Variants in KDM4B observed in about 807,000 individuals in gnomAD.
KDM4B encodes lysine demethylase 4B.
KDM4B carries 32 observed loss-of-function variants against 125.2 expected under a neutral mutation model. The ratio of observed to expected loss-of-function variants is 0.26; its 90% CI spans 0.19 to 0.34. KDM4B has a LOEUF of 0.34. Among genes scored for constraint, KDM4B ranks in the 10% least tolerant of loss-of-function variants. The pLI is 1.00. For synonymous variants in KDM4B, 721 were observed against 677.9 expected, an observed-to-expected ratio of 1.06 and a Z score of -0.99; for missense variants, 1,190 against 1,577.7, an observed-to-expected ratio of 0.75 and a Z score of 4.16.
At chr19:5,011,249 G>A (rs953358666) in intron 1 of KDM4B, among the ~76,000 whole-genome samples, 1 of 152,208 alleles carries the variant, frequency 6.6e-6, no homozygotes, top group Non-Finnish European at 1.5e-5. Flanking sequence ...ACAAACTGTG[G>A]CCTGGGTGCT....
chr19:4,969,710 G>A (rs1036323487), intron 1 of KDM4B, among the ~76,000 whole-genome samples: 1 of 151,882 alleles, frequency 6.6e-6, no homozygotes, highest in African/African-American at 2.4e-5. Context: ...GGCCCTTTGG[G>A]CGCCAGGGGG....
chr19:5,124,648 G>T (rs970255209), intron 11 of KDM4B, among the ~76,000 whole-genome samples: 2 of 152,190 alleles, frequency 1.3e-5, no homozygotes, highest in African/African-American at 4.8e-5. Context: ...CCAGGCTGGA[G>T]TGCAGTGACG....
Position 5,131,932 on chromosome 19 carries a change from C to A in KDM4B, c.1831C>A (p.Arg611=), listed in dbSNP as rs373783329. Residue 611 remains arginine (R), a synonymous_variant, in exon 13 of 23, where the codon CGG becomes AGG. Transcript: ENST00000159111. The part of the protein sequence containing the change: ...SKLKMEIKKS[R]RHPLGRPPTR... Reference sequence around the variant, plus strand: ...ATTGAAGATGGAGATCAAGAAGAGCCGGCGCCATCCCCTGGGCCGGCCGCC... The same window carrying A: ...ATTGAAGATGGAGATCAAGAAGAGCAGGCGCCATCCCCTGGGCCGGCCGCC... 6.2e-7 allele frequency: 1 copy of A among 1,612,612 alleles called. No individual in the cohort carries two copies.
intron 9 of KDM4B, among the ~76,000 whole-genome samples, chr19:5,107,863 T>C (rs2039065249): frequency 6.6e-6 from 1 of 152,232 alleles, no homozygotes; most frequent in South Asian, 2.1e-4. Context: ...TCCCTCCCTG[T>C]GACCCACCGG....
intron 22 of KDM4B, 48 bp from the exon 23 acceptor site, chr19:5,151,287 A>G (rs2039942440): frequency 7.1e-7 from 1 of 1,404,716 alleles, no homozygotes; most frequent in Non-Finnish European, 9.4e-7. Context: ...CTGGGGCCGC[A>G]CAGAGTGTCT....
intron 9 of KDM4B, among the ~76,000 whole-genome samples, chr19:5,103,799 GC>G (rs1255633322): frequency 6.6e-6 from 1 of 152,220 alleles, no homozygotes; most frequent in Non-Finnish European, 1.5e-5. Context: ...AGCCCAGGGG[GC>G]CTGGCTTTTG....
chr19:5,141,424 A>G lies in KDM4B; in HGVS notation c.2551-2543A>G, dbSNP rs138732574. On this transcript the variant is annotated intron_variant, in intron 18 of 22. Transcript: ENST00000159111. The surrounding 1 kb of genome is among the most constrained non-coding windows in gnomAD (Gnocchi z 6.4). ...GATAAGTCCTCCTGCCCGACGCCTT[A>G]TGGATCATCTGACATTTCCAGAACG... 2.6e-5 allele frequency: 4 copies of G among 152,328 alleles called. No homozygotes were observed. Among genetic ancestry groups the G allele is most frequent in the Non-Finnish European group, 4.4e-5 (3 of 68,012 alleles). The allele number at this position is 152,328 out of a possible 1,614,324, so 9.4% of individuals were successfully genotyped here.
At chr19:5,058,257 C>T (rs2037471789) in intron 6 of KDM4B, among the ~76,000 whole-genome samples, 1 of 152,212 alleles carries the variant, frequency 6.6e-6, no homozygotes, top group Non-Finnish European at 1.5e-5. Context: ...CATGCCTGCT[C>T]AGGGCCCAGC....
At chr19:5,043,706 C>CG (rs1568252431) in intron 5 of KDM4B, among the ~76,000 whole-genome samples, 1 of 62,302 alleles carries the variant, frequency 1.6e-5, no homozygotes, top group Non-Finnish European at 3.1e-5. Flanking sequence ...TATCGGAGTG[C>CG]AGTGTCCGCC....
chr19:5,135,796 A>C (rs559142409), intron 15 of KDM4B, among the ~76,000 whole-genome samples: 52 of 152,320 alleles, frequency 3.4e-4, no homozygotes, highest in African/African-American at 1.2e-3. Flanking sequence ...TGGCCATGGA[A>C]GGGCTGGATG....
chr19:5,102,676 C>G (rs1028603601), intron 9 of KDM4B, among the ~76,000 whole-genome samples: 2 of 152,164 alleles, frequency 1.3e-5, no homozygotes, highest in African/African-American at 2.4e-5. Context: ...CCCTCAGGCT[C>G]TCCCTTCACC....
chr19:4,978,234 C>T (rs1004515152), intron 1 of KDM4B, among the ~76,000 whole-genome samples: 1 of 152,102 alleles, frequency 6.6e-6, no homozygotes, highest in African/African-American at 2.4e-5. Context: ...TGGCCAGGCA[C>T]AGTGGCTCAC....
At chr19:5,025,515 C>T (rs759466428) in intron 2 of KDM4B, among the ~76,000 whole-genome samples, 8 of 152,224 alleles carry the variant, frequency 5.3e-5, no homozygotes, top group Non-Finnish European at 1.0e-4. Flanking sequence ...CCAGAGAGAG[C>T]TTTCTAGAAA....
chr19:5,044,853 G>A (rs998016531), intron 5 of KDM4B, among the ~76,000 whole-genome samples: 3 of 152,086 alleles, frequency 2.0e-5, no homozygotes, highest in Admixed American at 6.6e-5. Flanking sequence ...TCCTACAGTC[G>A]GTAGCCTTTT....
intron 21 of KDM4B, 135 bp downstream of exon 21, chr19:5,145,037 C>A: frequency 4.5e-6 from 5 of 1,122,032 alleles, no homozygotes; most frequent in South Asian, 4.3e-5. Context: ...GTTAGTGAGG[C>A]CCGCAGGACC....
chr19:4,979,136 T>C (rs2034554058), intron 1 of KDM4B, among the ~76,000 whole-genome samples: 1 of 151,704 alleles, frequency 6.6e-6, no homozygotes, highest in Admixed American at 6.6e-5. Flanking sequence ...TAGAAAAAAT[T>C]TGCCAGATGT....
intron 3 of KDM4B, 36 bp from the exon 4 acceptor site, chr19:5,039,800 C>G: frequency 3.7e-6 from 6 of 1,601,760 alleles, no homozygotes; most frequent in Non-Finnish European, 4.3e-6. Context: ...CCCTGAGGGT[C>G]TGAGGGTGCC....
intron 9 of KDM4B, among the ~76,000 whole-genome samples, chr19:5,097,545 G>A (rs967378218): frequency 2.6e-5 from 4 of 152,216 alleles, no homozygotes; most frequent in Admixed American, 6.5e-5. Flanking sequence ...GAGCCGCCGC[G>A]CCTGGCCTGT....
chr19:5,040,437 C>T (rs1161638393), intron 4 of KDM4B, among the ~76,000 whole-genome samples: 4 of 152,062 alleles, frequency 2.6e-5, no homozygotes, highest in Non-Finnish European at 4.4e-5. Context: ...GGCACACGCA[C>T]GTCCATACAC....
Sources: gnomAD v4.1 joint callset for allele counts (sites outside exome capture counted in the v4.1 genomes callset) on GRCh38, gnomAD v4.1.1 for gene constraint, Gnocchi (gnomAD v3.1) non-coding constraint, MANE v1.5 for transcripts, NCBI Gene and HGNC (gene_info 2026-07-23, HGNC 2026-07-21) for gene names.